The following ARHGAP32 variants were observed in gnomAD, a reference collection of about 807,000 sequenced individuals.
ARHGAP32 encodes the protein rho GTPase-activating protein 32.
Under a neutral mutation model 186.5 loss-of-function variants are expected in ARHGAP32, and 51 were observed. That is an observed-to-expected ratio of 0.27 (90% CI 0.22 to 0.35). The LOEUF is 0.35. Ranked by LOEUF, ARHGAP32 falls within the 10% of genes least tolerant of loss-of-function variation. The pLI is 1.00. For synonymous variants in ARHGAP32, 950 were observed against 964.3 expected (o/e 0.99, Z 0.27); for missense variants, 2,186 against 2,623.5 (o/e 0.83, Z 3.64).
chr11:129,188,350 A>G (rs913223335), intron 1 of ARHGAP32, among the ~76,000 whole-genome samples: 1 of 152,202 alleles, frequency 6.6e-6, no homozygotes, highest in Non-Finnish European at 1.5e-5. Flanking sequence ...AGATAAAAGA[A>G]CAGGCAGAGT....
intron 1 of ARHGAP32, among the ~76,000 whole-genome samples, chr11:129,213,265 C>T (rs778139716): frequency 8.5e-5 from 13 of 152,074 alleles, no homozygotes; most frequent in Non-Finnish European, 1.5e-4. Context: ...CACCTTTCAC[C>T]GAAAATGGAC....
In ARHGAP32 at chr11:129,039,817, C is replaced by A. The variant is rs1939514768; in HGVS notation, c.1045+1111G>T. Among the ~76,000 whole-genome samples, 4 of 152,152 alleles carry A rather than the reference C, an allele frequency of 2.6e-5. No individual in the cohort carries two copies. The South Asian group carries it at 8.3e-4, about 31-fold the overall frequency. Reference sequence around the variant, plus strand: ...TGAAGATTTACCAAACAAGTACCCACTTAGGAGCTTTTTAAAAAAGTTTAC... The same window carrying A: ...TGAAGATTTACCAAACAAGTACCCAATTAGGAGCTTTTTAAAAAAGTTTAC... On this transcript the variant is annotated intron_variant, in intron 11 of 22. Transcript: ENST00000682385.
chr11:128,972,041 C>G (rs1565347215), intron 22 of ARHGAP32: 1 of 154,138 alleles, frequency 6.5e-6, no homozygotes, highest in Admixed American at 6.5e-5. Context: ...CATTGTGTAA[C>G]TGTGAATAAT....
intron 2 of ARHGAP32, among the ~76,000 whole-genome samples, chr11:129,146,736 C>T (rs1293810419): frequency 6.6e-6 from 1 of 151,856 alleles, no homozygotes; most frequent in Non-Finnish European, 1.5e-5. Flanking sequence ...AAATATAAAA[C>T]TCCTTAAATT....
intron 8 of ARHGAP32, 72 bp from the exon 9 acceptor site, chr11:129,064,096 G>T: frequency 3.1e-6 from 4 of 1,294,538 alleles, no homozygotes; most frequent in Admixed American, 2.8e-5. Flanking sequence ...ATCTATAAAA[G>T]AAATTCATTT....
rs1425947872 is a variant in ARHGAP32 at position 128,968,289 on chromosome 11, T to C, written c.*618A>G. ...GTGGTCTGGTGTTTTATGATGACTC[T>C]ACCAAATGTTTAATTTAAAGTCTTA... On this transcript the variant is annotated 3_prime_UTR_variant, in exon 23 of 23. Transcript: ENST00000682385. 1 of 152,206 alleles carries C rather than the reference T, an allele frequency of 6.6e-6. No homozygotes were observed. Among genetic ancestry groups the C allele is most frequent in the Non-Finnish European group, 1.5e-5 (1 of 68,030 alleles). The allele number at this position is 152,206 out of a possible 1,614,324, so 9.4% of individuals were successfully genotyped here. A position where few individuals can be genotyped will look rare whatever the true frequency, so the allele number is the denominator to read the frequency against.
At chr11:129,115,798 A>T (rs927665798) in intron 5 of ARHGAP32, among the ~76,000 whole-genome samples, 11 of 152,198 alleles carry the variant, frequency 7.2e-5, no homozygotes, top group Admixed American at 5.2e-4. Context: ...TTTACATTCC[A>T]GAGTGTTTGT....
chr11:129,075,105 C>T (rs1653508787), intron 6 of ARHGAP32, among the ~76,000 whole-genome samples: 1 of 151,804 alleles, frequency 6.6e-6, no homozygotes, highest in Non-Finnish European at 1.5e-5. Flanking sequence ...AAAATAGGAA[C>T]GAAGAACAAG....
intron 1 of ARHGAP32, among the ~76,000 whole-genome samples, chr11:129,267,951 A>C (rs1945425627): frequency 6.6e-6 from 1 of 151,874 alleles, no homozygotes; most frequent in South Asian, 2.1e-4. Flanking sequence ...CAGCTCGCTC[A>C]CTCACCCCCC....
At chr11:129,191,306 A>C (rs1386353124) in intron 1 of ARHGAP32, among the ~76,000 whole-genome samples, 1 of 151,328 alleles carries the variant, frequency 6.6e-6, no homozygotes, top group Non-Finnish European at 1.5e-5. Flanking sequence ...ACTCAAAGGT[A>C]TTACATCGCT....
chr11:129,158,676 T>A (rs11221581), intron 2 of ARHGAP32, among the ~76,000 whole-genome samples: 24,298 of 152,046 alleles, frequency 0.16, 2,509 homozygotes, highest in Non-Finnish European at 0.22. Flanking sequence ...AACAAGGATA[T>A]TCAGGACTTG....
rs998421734 is a variant in ARHGAP32 at position 129,255,631 on chromosome 11, C to A, written c.-5+23515G>T. 2.6e-5 allele frequency among the ~76,000 whole-genome samples: 4 copies of A among 151,946 alleles called. No individual in the cohort carries two copies. In the East Asian group the frequency reaches 7.7e-4, roughly 29 times the overall value. ...AGATACTCACAATACAAGTATCTGA[C>A]AAAAAACTAGTAGTCAGAATATAAA... is the stretch of plus-strand genomic sequence containing the variant. On this transcript the variant is annotated intron_variant, in intron 1 of 6. Coordinates refer to the ARHGAP32 transcript ENST00000525234.
chr11:129,185,961 G>A (rs1944152128), intron 1 of ARHGAP32, among the ~76,000 whole-genome samples: 1 of 151,970 alleles, frequency 6.6e-6, no homozygotes, highest in Admixed American at 6.6e-5. Context: ...CCAAAATTAA[G>A]TATCTGGGAA....
At chr11:129,241,208 C>CA (rs1267279366) in intron 1 of ARHGAP32, among the ~76,000 whole-genome samples, 5 of 151,876 alleles carry the variant, frequency 3.3e-5, no homozygotes, top group Admixed American at 3.3e-4. Context: ...AATTTTAAAA[C>CA]AAAAAATATT....
At chr11:129,151,299 C>T (rs1445884491) in intron 2 of ARHGAP32, among the ~76,000 whole-genome samples, 1 of 152,014 alleles carries the variant, frequency 6.6e-6, no homozygotes, top group Non-Finnish European at 1.5e-5. Context: ...TTCAATATTC[C>T]ACTGACAGTA....
In ARHGAP32 at chr11:128,985,852, G is replaced by GTATA. The variant is rs1356966729; in HGVS notation, c.1526+150_1526+151insTATA. On this transcript the variant is annotated intron_variant, in intron 15 of 22. Coordinates refer to ENST00000682385, the MANE Select transcript of ARHGAP32 (RefSeq NM_001378024.1). ...TGTGCGTGTGTGTGTGTGTGTGTGT[G>GTATA]TGTGTGTATATATATATATATATAT... 714 of 129,628 alleles carry GTATA rather than the reference G, an allele frequency of 5.5e-3. 1 individual carries two copies. The highest frequency in any genetic ancestry group is 0.019 in the South Asian group (77 of 4,074). The allele number at this position is 129,628 out of a possible 1,614,324, so 8.0% of individuals were successfully genotyped here.
intron 1 of ARHGAP32, among the ~76,000 whole-genome samples, chr11:129,274,018 C>CAAAAAA (rs34977774): frequency 7.0e-6 from 1 of 142,336 alleles, no homozygotes. Flanking sequence ...TAGCCGGAAG[C>CAAAAAA]AAAAAAAAAA....
Position 128,986,532 on chromosome 11 carries a change from T to C in ARHGAP32, c.1435A>G (p.Lys479Glu). 1 of 1,614,038 alleles carries C rather than the reference T, an allele frequency of 6.2e-7. No homozygotes were observed. The highest frequency in any genetic ancestry group is 8.5e-7 in the Non-Finnish European group (1 of 1,179,960). Reference sequence around the variant, plus strand: ...AAGTAGCCTGTACTCACAGAAAATTTCTCATACAGCTGGTAGGTAAGCAGA... The same window carrying C: ...AAGTAGCCTGTACTCACAGAAAATTCCTCATACAGCTGGTAGGTAAGCAGA... Reference protein sequence around the residue: ...NPLLTYQLYEKFSDAVSAATD... With the variant: ...NPLLTYQLYEEFSDAVSAATD... Residue 479 changes from lysine (K) to glutamate (E), a missense_variant, in exon 14 of 23, where the codon AAA (lysine) becomes GAA (glutamate). Around this residue, in one of 5 missense-constraint regions of ARHGAP32, gnomAD observed 308 missense variants for 596.5 expected, o/e 0.52. Transcript: ENST00000682385.
At chr11:129,121,598 C>G (rs558480854) in intron 5 of ARHGAP32, among the ~76,000 whole-genome samples, 16 of 152,160 alleles carry the variant, frequency 1.1e-4, no homozygotes, top group African/African-American at 3.1e-4. Flanking sequence ...CCTGGTCAAT[C>G]AATACAATCC....
Sources: allele counts gnomAD v4.1 joint callset (sites outside exome capture counted in the v4.1 genomes callset), GRCh38; gene constraint gnomAD v4.1.1; regional missense constraint gnomAD v4.1.1; transcripts MANE v1.5; gene names NCBI Gene and HGNC (gene_info 2026-07-23, HGNC 2026-07-21).